GPBP1L1: variants seen among roughly 807,000 people sequenced by gnomAD.
The protein encoded by GPBP1L1 is vasculin-like protein 1.
A neutral mutation model predicts 52.5 loss-of-function variants in GPBP1L1; 23 were observed. That is an observed-to-expected ratio of 0.44 (90% CI 0.32 to 0.62). The LOEUF is 0.62. Ranked by LOEUF, GPBP1L1 falls within the 20% of genes least tolerant of loss-of-function variation. The pLI is 0.06. For synonymous variants in GPBP1L1, 243 were observed against 203.1 expected (o/e 1.20, Z -1.67); for missense variants, 596 against 579.3 (o/e 1.03, Z -0.30).
At chr1:45,652,126 C>T (rs1644826401) in intron 6 of GPBP1L1, among the ~76,000 whole-genome samples, 1 of 152,192 alleles carries the variant, frequency 6.6e-6, no homozygotes, top group Non-Finnish European at 1.5e-5. Context: ...CATCCCTGAT[C>T]TCTACATGTT....
chr1:45,661,998 T>C (rs1454905245), intron 2 of GPBP1L1, among the ~76,000 whole-genome samples: 1 of 152,226 alleles, frequency 6.6e-6, no homozygotes, highest in Non-Finnish European at 1.5e-5. Context: ...TCTGTCACAG[T>C]ATATTTTATA....
intron 2 of GPBP1L1, among the ~76,000 whole-genome samples, chr1:45,664,457 T>C (rs1644985233): frequency 6.6e-6 from 1 of 151,744 alleles, no homozygotes; most frequent in Admixed American, 6.6e-5. Flanking sequence ...TTCCAGCTAC[T>C]ACGGAGGCTG....
At chr1:45,633,844 C>T (rs577132680) in intron 9 of GPBP1L1, 197 bp from the exon 10 acceptor site, 1 of 661,566 alleles carries the variant, frequency 1.5e-6, no homozygotes, top group South Asian at 2.2e-5. Flanking sequence ...TTACATGGCA[C>T]CTCTTTGATC....
chr1:45,646,936 A>C (rs1644754977), intron 6 of GPBP1L1, among the ~76,000 whole-genome samples: 1 of 151,998 alleles, frequency 6.6e-6, no homozygotes, highest in Non-Finnish European at 1.5e-5. Flanking sequence ...ATATATCTAT[A>C]TTAGATCTTT....
At chr1:45,686,846 C>T (rs990539116), upstream of GPBP1L1, 2 of 152,758 alleles carry the variant, frequency 1.3e-5, no homozygotes, top group African/African-American at 4.8e-5. Flanking sequence ...CACGGACAAG[C>T]CTAGTTTAGT....
chr1:45,645,135 T>C (rs1039537308), intron 6 of GPBP1L1, among the ~76,000 whole-genome samples: 3 of 152,220 alleles, frequency 2.0e-5, no homozygotes, highest in African/African-American at 7.2e-5. Context: ...CTTTGTTATC[T>C]AGTTTGAAAA....
intron 2 of GPBP1L1, among the ~76,000 whole-genome samples, chr1:45,668,719 A>C (rs1180956356): frequency 6.6e-6 from 1 of 152,234 alleles, no homozygotes; most frequent in Non-Finnish European, 1.5e-5. Context: ...TAGGCTGAAC[A>C]AATGTTCTTG....
chr1:45,672,158 C>T (rs571756472), intron 2 of GPBP1L1, among the ~76,000 whole-genome samples: 10 of 152,178 alleles, frequency 6.6e-5, no homozygotes, highest in Middle Eastern at 3.4e-3. Flanking sequence ...GTCAGGAGCT[C>T]GAGACCAGCC....
chr1:45,675,482 G>A (rs1645128410), intron 2 of GPBP1L1, among the ~76,000 whole-genome samples: 1 of 152,076 alleles, frequency 6.6e-6, no homozygotes, highest in Non-Finnish European at 1.5e-5. Context: ...TTTAGTGGGT[G>A]CCCAATAAAT....
At chr1:45,633,144 C>T (rs1644551160) in intron 10 of GPBP1L1, among the ~76,000 whole-genome samples, 1 of 152,172 alleles carries the variant, frequency 6.6e-6, no homozygotes, top group African/African-American at 2.4e-5. Context: ...TATGATCCAG[C>T]AATTGCGCTC....
intron 2 of GPBP1L1, among the ~76,000 whole-genome samples, chr1:45,681,725 T>C (rs959300544): frequency 6.6e-6 from 1 of 152,246 alleles, no homozygotes; most frequent in Non-Finnish European, 1.5e-5. Flanking sequence ...GGTACTATTA[T>C]TGTTCCTATT....
Position 45,654,667 on chromosome 1 carries a change from C to G in GPBP1L1, c.353G>C (p.Arg118Pro). Residue 118 changes from arginine (R) to proline (P), a missense_variant, in exon 6 of 13, where the codon CGC becomes CCC. Physicochemically the swap from Arg to Pro is moderately radical, Grantham distance 103. Transcript: ENST00000355105. ...QRSGGGTGNH[R>P]HWNGSFHSRK... ...GGAGTGGAAGCTGCCATTCCAATGG[C>G]GATGGTTCCCTGTGCCACCTCCACT... The G allele has an allele frequency of 6.2e-7, 1 of 1,614,152 alleles. No homozygotes were observed. Among genetic ancestry groups the G allele is most frequent in the Admixed American group, 1.7e-5 (1 of 60,016 alleles).
At chr1:45,634,340 T>C (rs1031879088) in intron 8 of GPBP1L1, 104 bp from the exon 9 acceptor site, 10 of 1,166,192 alleles carry the variant, frequency 8.6e-6, no homozygotes, top group Non-Finnish European at 1.1e-5. Flanking sequence ...AGAACATAAG[T>C]TTCCAGGGCT....
chr1:45,644,577 C>T (rs1463937665), intron 6 of GPBP1L1, among the ~76,000 whole-genome samples: 1 of 151,706 alleles, frequency 6.6e-6, no homozygotes, highest in Non-Finnish European at 1.5e-5. Context: ...TTTACTAACC[C>T]ATTGTGTCTC....
intron 6 of GPBP1L1, among the ~76,000 whole-genome samples, chr1:45,649,505 T>C (rs370693130): frequency 6.6e-6 from 1 of 152,082 alleles, no homozygotes; most frequent in African/African-American, 2.4e-5. Context: ...GGCCAGTTAT[T>C]TTGCAATTCT....
chr1:45,649,469 T>C (rs1644794316), intron 6 of GPBP1L1, among the ~76,000 whole-genome samples: 1 of 151,064 alleles, frequency 6.6e-6, no homozygotes, highest in South Asian at 2.1e-4. Context: ...TTTTTTTTCA[T>C]GGCCTTAACA....
At chr1:45,654,978 G>T in intron 5 of GPBP1L1, 149 bp from the exon 6 acceptor site, 1 of 1,012,218 alleles carries the variant, frequency 9.9e-7, no homozygotes. Context: ...GGTAATTTCT[G>T]AAATCAGTTC....
Position 45,628,020 on chromosome 1 carries a change from G to A in GPBP1L1, c.*236C>T, listed in dbSNP as rs1135850. ...ACTGGGTGTGTATGTGTGTGTGTGT[G>A]TGAGTGTGTTTAAAAAATCTGTCCC... On this transcript the variant is annotated 3_prime_UTR_variant, in exon 13 of 13. Transcript: ENST00000355105. 0.28 allele frequency: 129,698 copies of A among 464,504 alleles called. 19,004 individuals are homozygous for A. Among genetic ancestry groups the A allele is most frequent in the South Asian group, 0.33 (14,598 of 44,380 alleles). The allele number at this position is 464,504 out of a possible 1,614,324, so 28.8% of individuals were successfully genotyped here. A position where few individuals can be genotyped will look rare whatever the true frequency, so the allele number is the denominator to read the frequency against.
chr1:45,645,905 C>T (rs1477475514), intron 6 of GPBP1L1: 15 of 495,996 alleles, frequency 3.0e-5, no homozygotes, highest in East Asian at 1.6e-4. Flanking sequence ...GTCAATATGA[C>T]GAAGTCAAAT....
Sources: allele counts gnomAD v4.1 joint callset (sites outside exome capture counted in the v4.1 genomes callset), GRCh38; gene constraint gnomAD v4.1.1; transcripts MANE v1.5; gene names NCBI Gene and HGNC (gene_info 2026-07-23, HGNC 2026-07-21).